Variants in DOCK8 observed in about 807,000 individuals in gnomAD.
The protein encoded by DOCK8 is dedicator of cytokinesis 8.
In DOCK8, 141 loss-of-function variants were observed where a neutral mutation model predicts 245.6. The ratio of observed to expected loss-of-function variants is 0.57; its 90% confidence interval spans 0.50 to 0.66. The LOEUF (loss-of-function observed/expected upper bound fraction) is 0.66, where lower values mean the gene tolerates loss of function less well. Ranked by LOEUF, DOCK8 falls within the 30% of genes least tolerant of loss-of-function variation. The probability of loss-of-function intolerance (pLI) is 0.00; values close to 1 mark genes in which losing one functional copy is unlikely to be tolerated. For missense variants in DOCK8, 2,965 were observed against 2,603.4 expected, an observed-to-expected ratio of 1.14 and a Z score of -3.02; for synonymous variants, 1,168 against 970.2, an observed-to-expected ratio of 1.20 and a Z score of -3.79.
At chr9:309,020 C>T (rs989208227) in intron 5 of DOCK8, among the ~76,000 whole-genome samples, 9 of 152,188 alleles carry the variant, frequency 5.9e-5, no homozygotes, top group African/African-American at 2.2e-4. Context: ...TCTCTTAACA[C>T]TTCCTTTTTG....
At chr9:391,568 T>G (rs1163429621) in intron 24 of DOCK8, among the ~76,000 whole-genome samples, 1 of 152,200 alleles carries the variant, frequency 6.6e-6, no homozygotes, top group African/African-American at 2.4e-5. Flanking sequence ...TAGTGATAAC[T>G]ATTTTTTTGT....
intron 1 of DOCK8, among the ~76,000 whole-genome samples, chr9:253,606 T>A (rs541894273): frequency 6.6e-6 from 1 of 152,316 alleles, no homozygotes; most frequent in Admixed American, 6.5e-5. Context: ...TATGCTAATA[T>A]AAGAGACTAG....
intron 11 of DOCK8, among the ~76,000 whole-genome samples, chr9:334,796 C>T (rs1350377393): frequency 2.0e-5 from 3 of 151,878 alleles, no homozygotes; most frequent in Non-Finnish European, 4.4e-5. Flanking sequence ...CAAAACTCAA[C>T]AGGAACAGGG....
In DOCK8 at chr9:414,820, A is replaced by G; in HGVS notation, c.3569A>G (p.His1190Arg). The G allele has an allele frequency of 6.2e-7, 1 of 1,614,194 alleles. No homozygotes were observed. The highest frequency in any genetic ancestry group is 8.5e-7 in the Non-Finnish European group (1 of 1,180,010). ...KVQRKAVSAI[H>R]SLLSSHDLDP... The stretch of plus-strand genomic sequence containing the variant: ...CAAAGGAAAGCTGTCAGTGCAATTC[A>G]CAGCCTGCTAAGTTCTCACGACCTG... The change falls in exon 29 of 48, where the codon CAC becomes CGC. Residue 1190 changes from histidine to arginine, a missense_variant. Coordinates refer to ENST00000432829, the MANE Select transcript of DOCK8 (RefSeq NM_203447.4).
upstream of DOCK8, among the ~76,000 whole-genome samples, chr9:211,975 A>C (rs2046626461): frequency 6.6e-6 from 1 of 152,074 alleles, no homozygotes; most frequent in African/African-American, 2.4e-5. Context: ...TTTATACTGG[A>C]GTTTGAAGAT....
At chr9:333,569 C>A (rs970469287) in intron 10 of DOCK8, among the ~76,000 whole-genome samples, 3 of 151,022 alleles carry the variant, frequency 2.0e-5, no homozygotes, top group Non-Finnish European at 4.4e-5. Context: ...CCACTGCACT[C>A]CAGCCTGGGT....
chr9:340,344 G>C (rs1339826926), intron 14 of DOCK8, 23 bp downstream of exon 14: 13 of 1,613,620 alleles, frequency 8.1e-6, no homozygotes, highest in African/African-American at 2.7e-5. Context: ...GGCTCGGGCT[G>C]GGCGTGGTGG....
At chr9:231,694 CTGTT>C (rs1340113045) in intron 1 of DOCK8, among the ~76,000 whole-genome samples, 1 of 152,098 alleles carries the variant, frequency 6.6e-6, no homozygotes, top group Non-Finnish European at 1.5e-5. Context: ...ATTTGGCTCT[CTGTT>C]TGTCTGTTAT....
At chr9:383,545 A>C (rs1276486290) in intron 22 of DOCK8, among the ~76,000 whole-genome samples, 1 of 152,098 alleles carries the variant, frequency 6.6e-6, no homozygotes, top group East Asian at 1.9e-4. Flanking sequence ...AAAAAGATAC[A>C]AAACATTAGT....
At chr9:264,157 T>C (rs1193498255) in intron 1 of DOCK8, among the ~76,000 whole-genome samples, 4 of 152,234 alleles carry the variant, frequency 2.6e-5, no homozygotes, top group East Asian at 3.9e-4. Flanking sequence ...GGTGTTCTTT[T>C]AGGTGATTAT....
rs765627689 is a variant in DOCK8 at position 382,610 on chromosome 9, G to T, written c.2703G>T (p.Met901Ile). 1 of 1,614,060 alleles carries T rather than the reference G, an allele frequency of 6.2e-7. No individual in the cohort carries two copies. Among genetic ancestry groups the T allele is most frequent in the Admixed American group, 1.7e-5 (1 of 60,006 alleles). The stretch of plus-strand genomic sequence containing the variant: ...CAAAGCTGCTGCAGGCCCGGGTGAT[G>T]AGCAGCAGTAACCCAGACCTCGCGG... The part of the protein sequence containing the change: ...VSSKLLQARV[M>I]SSSNPDLAGT... The change falls in exon 22 of 48, where the codon ATG (methionine) becomes ATT (isoleucine). Residue 901 changes from methionine (M) to isoleucine (I), a missense_variant. Around this residue, in one of 3 missense-constraint regions of DOCK8, gnomAD observed 2,825 missense variants for 2,453.5 expected, o/e 1.15. Transcript: ENST00000432829.
intron 1 of DOCK8, among the ~76,000 whole-genome samples, chr9:224,880 AC>A (rs2046958349): frequency 6.6e-6 from 1 of 152,166 alleles, no homozygotes; most frequent in Admixed American, 6.5e-5. Flanking sequence ...CTGCTGGTTA[AC>A]ATAAATGTTG....
intron 33 of DOCK8, among the ~76,000 whole-genome samples, chr9:423,930 A>G (rs1307897495): frequency 1.3e-5 from 2 of 152,094 alleles, no homozygotes; most frequent in Admixed American, 6.6e-5. Flanking sequence ...TTGCAGGAGC[A>G]ACACAATATT....
At chr9:275,417 A>G (rs1476385873) in intron 2 of DOCK8, among the ~76,000 whole-genome samples, 1 of 152,152 alleles carries the variant, frequency 6.6e-6, no homozygotes, top group African/African-American at 2.4e-5. Flanking sequence ...GGCTGAGAAG[A>G]CTTAGAGTAA....
chr9:231,983 A>G (rs1029002589), intron 1 of DOCK8, among the ~76,000 whole-genome samples: 1 of 152,170 alleles, frequency 6.6e-6, no homozygotes, highest in Non-Finnish European at 1.5e-5. Flanking sequence ...CCGTTTTCAA[A>G]GGGAATGCTT....
chr9:300,432 G>A (rs1289019813), intron 4 of DOCK8, among the ~76,000 whole-genome samples: 1 of 151,776 alleles, frequency 6.6e-6, no homozygotes, highest in Non-Finnish European at 1.5e-5. Context: ...GTGTGACCTG[G>A]AGGTACTAGA....
At chr9:361,993 C>G (rs1210503909) in intron 14 of DOCK8, among the ~76,000 whole-genome samples, 1 of 152,090 alleles carries the variant, frequency 6.6e-6, no homozygotes, top group African/African-American at 2.4e-5. Context: ...AAGAGATACC[C>G]AGGAAAAGCA....
intron 1 of DOCK8, among the ~76,000 whole-genome samples, chr9:219,703 C>T (rs1292449556): frequency 1.3e-5 from 2 of 152,196 alleles, no homozygotes; most frequent in South Asian, 2.1e-4. Context: ...TCGAGACCAG[C>T]CTGGGCAACA....
At chr9:245,928 T>G (rs1453500491) in intron 1 of DOCK8, among the ~76,000 whole-genome samples, 2 of 152,022 alleles carry the variant, frequency 1.3e-5, no homozygotes, top group African/African-American at 2.4e-5. Flanking sequence ...CAATTAAAAA[T>G]TGGGCATCTG....
Sources: allele counts gnomAD v4.1 joint callset (sites outside exome capture counted in the v4.1 genomes callset), GRCh38; gene constraint gnomAD v4.1.1; regional missense constraint gnomAD v4.1.1; transcripts MANE v1.5; gene names NCBI Gene and HGNC (gene_info 2026-07-23, HGNC 2026-07-21).